Variants in RABGAP1L observed in about 807,000 individuals in gnomAD.
RABGAP1L encodes the protein rab GTPase-activating protein 1-like.
RABGAP1L carries 63 observed loss-of-function variants against 137.7 expected under a neutral mutation model. The ratio of observed to expected loss-of-function variants is 0.46; its 90% CI spans 0.37 to 0.56. RABGAP1L has a LOEUF of 0.56. RABGAP1L is among the 20% of genes least tolerant of loss of function. RABGAP1L has a pLI of 0.00. For missense variants in RABGAP1L, 1,095 were observed against 1,244.0 expected (o/e 0.88, Z 1.80); for synonymous variants, 431 against 433.7 (o/e 0.99, Z 0.08).
intron 14 of RABGAP1L, among the ~76,000 whole-genome samples, chr1:174,655,951 G>T (rs1232615272): frequency 6.6e-6 from 1 of 152,050 alleles, no homozygotes; most frequent in East Asian, 1.9e-4. Flanking sequence ...AAAGAGCCTT[G>T]TTTCCTTTAG....
chr1:174,234,606 T>G (rs1310381271), intron 4 of RABGAP1L, among the ~76,000 whole-genome samples: 4 of 151,584 alleles, frequency 2.6e-5, no homozygotes, highest in East Asian at 1.9e-4. Context: ...TGAGGGCTCT[T>G]TTCTGTTCCA....
intron 18 of RABGAP1L, among the ~76,000 whole-genome samples, chr1:174,790,867 T>C (rs1230782112): frequency 6.6e-6 from 1 of 151,716 alleles, no homozygotes; most frequent in Admixed American, 6.6e-5. Flanking sequence ...ACCACCTTTG[T>C]TTCACAACAT....
At chr1:174,463,439 A>C (rs529544463) in intron 13 of RABGAP1L, among the ~76,000 whole-genome samples, 22 of 148,914 alleles carry the variant, frequency 1.5e-4, no homozygotes, top group East Asian at 2.0e-4. Flanking sequence ...GCATGTTCTC[A>C]CTCATAGGTG....
At chr1:174,292,968 C>T (rs187837175) in intron 10 of RABGAP1L, among the ~76,000 whole-genome samples, 2 of 152,288 alleles carry the variant, frequency 1.3e-5, no homozygotes, top group Admixed American at 1.3e-4. Context: ...ATTATTACCT[C>T]CATTCTCTGG....
At position 174,937,142 on chromosome 1, in the gene RABGAP1L, G is replaced by A. The variant is rs187483269; in HGVS notation, c.2341-20315G>A. 1.6e-3 allele frequency among the ~76,000 whole-genome samples: 239 copies of A among 151,264 alleles called. 3 individuals are homozygous for A. Among genetic ancestry groups the A allele is most frequent in the African/African-American group, 5.5e-3 (225 of 41,176 alleles). ...TACAGGCTCCTGCCACCACGCCCGG[G>A]TAATTTTTGTATTTTTAGTAGAGAT... On this transcript the variant is annotated intron_variant, in intron 19 of 25. Coordinates refer to ENST00000681986, the MANE Select transcript of RABGAP1L (RefSeq NM_001366446.1).
At chr1:174,677,821 A>G (rs1677754345) in intron 14 of RABGAP1L, among the ~76,000 whole-genome samples, 1 of 152,214 alleles carries the variant, frequency 6.6e-6, no homozygotes, top group South Asian at 2.1e-4. Flanking sequence ...TATATTAGAA[A>G]AGAAGATAGA....
intron 5 of RABGAP1L, among the ~76,000 whole-genome samples, chr1:174,242,295 A>G (rs1249500564): frequency 6.6e-6 from 1 of 152,346 alleles, no homozygotes; most frequent in Middle Eastern, 3.4e-3. Flanking sequence ...TTTAGATTAA[A>G]TGCAGTTAAT....
At chr1:174,496,218 GA>G (rs2149364579) in intron 13 of RABGAP1L, among the ~76,000 whole-genome samples, 1 of 152,112 alleles carries the variant, frequency 6.6e-6, no homozygotes, top group South Asian at 2.1e-4. Flanking sequence ...ATGATACATG[GA>G]CAATTTTTGC....
chr1:174,612,419 G>A (rs1671345435), intron 13 of RABGAP1L, among the ~76,000 whole-genome samples: 1 of 152,184 alleles, frequency 6.6e-6, no homozygotes, highest in African/African-American at 2.4e-5. Context: ...CTTGATCATG[G>A]TGGATAAGCT....
At chr1:174,281,191 C>G (rs534268286) in intron 10 of RABGAP1L, among the ~76,000 whole-genome samples, 1 of 152,254 alleles carries the variant, frequency 6.6e-6, no homozygotes, top group Non-Finnish European at 1.5e-5. Context: ...GAAGAGGACC[C>G]GAGCGGGTTG....
intron 11 of RABGAP1L, 66 bp from the exon 12 acceptor site, chr1:174,370,913 T>G (rs979502888): frequency 1.3e-6 from 1 of 793,224 alleles, no homozygotes; most frequent in Non-Finnish European, 1.9e-6. Context: ...GTTTATTGTA[T>G]GATATATAAA....
intron 10 of RABGAP1L, among the ~76,000 whole-genome samples, chr1:174,281,506 C>G (rs1445400113): frequency 6.6e-6 from 1 of 152,202 alleles, no homozygotes; most frequent in Non-Finnish European, 1.5e-5. Flanking sequence ...GAAAAGTTCT[C>G]CAAGTCCCAC....
intron 17 of RABGAP1L, among the ~76,000 whole-genome samples, chr1:174,740,854 G>C (rs1558035601): frequency 2.0e-5 from 3 of 151,966 alleles, no homozygotes; most frequent in Non-Finnish European, 4.4e-5. Context: ...CCTGTTGGCT[G>C]TTTGTATTTA....
intron 13 of RABGAP1L, among the ~76,000 whole-genome samples, chr1:174,475,861 T>G (rs1397650667): frequency 6.7e-6 from 1 of 150,122 alleles, no homozygotes; most frequent in African/African-American, 2.4e-5. Context: ...ATTGAAAGTA[T>G]AAACCTAAAT....
At chr1:174,553,727 G>T (rs374899784) in intron 13 of RABGAP1L, among the ~76,000 whole-genome samples, 1 of 152,170 alleles carries the variant, frequency 6.6e-6, no homozygotes, top group East Asian at 1.9e-4. Context: ...AGGGTCAGGC[G>T]CAGTGGCTGA....
chr1:174,674,587 A>C (rs201950089), intron 14 of RABGAP1L, among the ~76,000 whole-genome samples: 23,865 of 149,494 alleles, frequency 0.16, 2,578 homozygotes, highest in East Asian at 0.53. Flanking sequence ...ATTTATAGTC[A>C]TTTGGGTATA....
intron 10 of RABGAP1L, among the ~76,000 whole-genome samples, chr1:174,302,153 T>C (rs921513406): frequency 9.9e-5 from 15 of 152,218 alleles, no homozygotes; most frequent in Non-Finnish European, 1.8e-4. Flanking sequence ...GTTATTACCA[T>C]AGTAATTATT....
chr1:174,990,019 C>A lies in RABGAP1L; in HGVS notation c.*18C>A. ...GCACATAGTTCCAGCCTTACCCAAG[C>A]ACAAGAGCACAATGTTCAAACCAAT... is the stretch of plus-strand genomic sequence containing the variant. On this transcript the variant is annotated 3_prime_UTR_variant, in exon 26 of 26. Transcript: ENST00000681986. 1 of 1,513,698 alleles carries A rather than the reference C, an allele frequency of 6.6e-7. No homozygotes were observed. Among genetic ancestry groups the A allele is most frequent in the Non-Finnish European group, 9.0e-7 (1 of 1,114,330 alleles). 93.8% of individuals were successfully genotyped at this position (1,513,698 alleles called of 1,614,324 possible). A position where few individuals can be genotyped will look rare whatever the true frequency, so the allele number is the denominator to read the frequency against.
intron 14 of RABGAP1L, among the ~76,000 whole-genome samples, chr1:174,642,695 C>G (rs1292808501): frequency 2.1e-5 from 3 of 145,130 alleles, no homozygotes; most frequent in Non-Finnish European, 4.5e-5. Flanking sequence ...CTTTCTCTGT[C>G]TCTCTCTCTT....
Sources: allele counts gnomAD v4.1 joint callset (sites outside exome capture counted in the v4.1 genomes callset), GRCh38; gene constraint gnomAD v4.1.1; transcripts MANE v1.5; gene names NCBI Gene and HGNC (gene_info 2026-07-23, HGNC 2026-07-21).